Variants in PMFBP1 observed in about 807,000 individuals in gnomAD.
PMFBP1 encodes the protein polyamine-modulated factor 1-binding protein 1.
A neutral mutation model predicts 137.8 loss-of-function variants in PMFBP1; 131 were observed. The ratio of observed to expected loss-of-function variants is 0.95; its 90% CI spans 0.82 to 1.10. The LOEUF is 1.10. PMFBP1 is among the 50% of genes least tolerant of loss of function. The pLI is 0.00. For synonymous variants in PMFBP1, 490 were observed against 450.4 expected, an observed-to-expected ratio of 1.09 and a Z score of -1.11; for missense variants, 1,199 against 1,175.4, an observed-to-expected ratio of 1.02 and a Z score of -0.29.
upstream of PMFBP1, among the ~76,000 whole-genome samples, chr16:72,174,242 G>T (rs888852978): frequency 6.6e-6 from 1 of 152,220 alleles, no homozygotes; most frequent in Admixed American, 6.5e-5. Flanking sequence ...TGCAAAAAGA[G>T]AAAGTAACTC....
chr16:72,123,098 C>T (rs2042400399), intron 18 of PMFBP1, 110 bp from the exon 19 acceptor site: 2 of 925,990 alleles, frequency 2.2e-6, no homozygotes, highest in South Asian at 3.0e-5. Flanking sequence ...CTGCTGCATC[C>T]CACGTCCCCC....
At chr16:72,220,398 G>A in the PMFBP1 span, among the ~76,000 whole-genome samples, 14 of 151,712 alleles carry the variant, frequency 9.2e-5, no homozygotes, top group African/African-American at 3.4e-4. Flanking sequence ...AATGTTAAAT[G>A]GAAAAAAGGA....
upstream of PMFBP1, among the ~76,000 whole-genome samples, chr16:72,177,087 T>A (rs898695190): frequency 6.6e-6 from 1 of 152,238 alleles, no homozygotes; most frequent in African/African-American, 2.4e-5. Context: ...CCATGCCATT[T>A]TGGAAAATTT....
chr16:72,184,801 C>G, the PMFBP1 span, among the ~76,000 whole-genome samples: 1 of 152,292 alleles, frequency 6.6e-6, no homozygotes, highest in Admixed American at 6.5e-5. Flanking sequence ...ACTCCCAGAC[C>G]CTTCATCCCA....
the PMFBP1 span, among the ~76,000 whole-genome samples, chr16:72,208,141 C>T: frequency 2.6e-5 from 4 of 152,244 alleles, no homozygotes; most frequent in African/African-American, 4.8e-5. Context: ...AACTCATCCA[C>T]AAACACCCTC....
At chr16:72,223,347 T>A in the PMFBP1 span, among the ~76,000 whole-genome samples, 6 of 152,358 alleles carry the variant, frequency 3.9e-5, no homozygotes, top group East Asian at 9.6e-4. Context: ...TTTGTTTTAA[T>A]CTTGTTTTTA....
chr16:72,176,663 A>C (rs575982455), upstream of PMFBP1, among the ~76,000 whole-genome samples: 6 of 152,326 alleles, frequency 3.9e-5, no homozygotes, highest in African/African-American at 1.4e-4. Context: ...TGGAACTATC[A>C]TTGCCAGCCC....
At chr16:72,189,062 CTTT>C in the PMFBP1 span, among the ~76,000 whole-genome samples, 1 of 146,430 alleles carries the variant, frequency 6.8e-6, no homozygotes, top group East Asian at 2.0e-4. Flanking sequence ...TTAGTGTTGA[CTTT>C]TTTTTTTTTG....
chr16:72,175,737 G>A (rs941052148), upstream of PMFBP1, among the ~76,000 whole-genome samples: 1 of 152,122 alleles, frequency 6.6e-6, no homozygotes, highest in African/African-American at 2.4e-5. Flanking sequence ...TACTTATGTT[G>A]GGCTTTAGAT....
At chr16:72,119,822 CTT>C (rs1264390424) in intron 20 of PMFBP1, 27 bp downstream of exon 20, 1 of 1,605,684 alleles carries the variant, frequency 6.2e-7, no homozygotes, top group Non-Finnish European at 8.5e-7. Context: ...AAAAATCACA[CTT>C]ATTTTTTTGA....
intron 2 of PMFBP1, 152 bp from the exon 3 acceptor site, chr16:72,165,068 A>C: frequency 1.3e-6 from 1 of 759,446 alleles, no homozygotes; most frequent in Non-Finnish European, 2.0e-6. Context: ...ACATTTACAC[A>C]GTTTCCAATT....
chr16:72,122,244 T>A (rs1032969804), intron 19 of PMFBP1, among the ~76,000 whole-genome samples: 3 of 152,250 alleles, frequency 2.0e-5, no homozygotes, highest in Non-Finnish European at 4.4e-5. Flanking sequence ...TTTTGATAGC[T>A]GCATAGTATC....
chr16:72,135,395 T>TC (rs1201194998), intron 9 of PMFBP1, among the ~76,000 whole-genome samples: 1 of 151,500 alleles, frequency 6.6e-6, no homozygotes, highest in African/African-American at 2.4e-5. Context: ...GTTGTTTTTT[T>TC]AAGTAGAGAC....
intron 8 of PMFBP1, 29 bp downstream of exon 8, chr16:72,136,664 C>T: frequency 2.5e-6 from 4 of 1,614,042 alleles, no homozygotes; most frequent in East Asian, 4.5e-5. Context: ...CTTCTGGCTC[C>T]CCTGCCACAG....
At chr16:72,222,612 A>G in the PMFBP1 span, among the ~76,000 whole-genome samples, 1 of 152,060 alleles carries the variant, frequency 6.6e-6, no homozygotes, top group Non-Finnish European at 1.5e-5. Flanking sequence ...AATACCTGCT[A>G]TGTAACGGTG....
intron 5 of PMFBP1, among the ~76,000 whole-genome samples, chr16:72,145,379 G>A (rs1214780080): frequency 6.6e-6 from 1 of 152,216 alleles, no homozygotes; most frequent in Non-Finnish European, 1.5e-5. Context: ...CACATTTAAA[G>A]CAGTGTGTAG....
the PMFBP1 span, among the ~76,000 whole-genome samples, chr16:72,207,217 G>A: frequency 6.6e-6 from 1 of 152,138 alleles, no homozygotes; most frequent in South Asian, 2.1e-4. Flanking sequence ...CAATGAGAAG[G>A]CTGCTGCACA....
the PMFBP1 span, among the ~76,000 whole-genome samples, chr16:72,183,843 T>C: frequency 0.016 from 2,403 of 152,282 alleles, 26 homozygotes; most frequent in Non-Finnish European, 0.023. Flanking sequence ...TCGCATTTGC[T>C]GCCTCTTGAT....
At chr16:72,189,470 T>C in the PMFBP1 span, among the ~76,000 whole-genome samples, 1 of 152,068 alleles carries the variant, frequency 6.6e-6, no homozygotes, top group African/African-American at 2.4e-5. Context: ...AGTGCCAATC[T>C]TGGAGGAATG....
Sources: gnomAD v4.1 joint callset for allele counts (sites outside exome capture counted in the v4.1 genomes callset) on GRCh38, gnomAD v4.1.1 for gene constraint, MANE v1.5 for transcripts, NCBI Gene and HGNC (gene_info 2026-07-23, HGNC 2026-07-21) for gene names.